Variants in COL11A1 observed in about 807,000 individuals in gnomAD.
COL11A1 encodes the protein collagen alpha-1(XI) chain.
COL11A1 carries 74 observed loss-of-function variants against 265.2 expected under a neutral mutation model. That is an observed-to-expected ratio of 0.28 (90% CI 0.23 to 0.34). The LOEUF (loss-of-function observed/expected upper bound fraction) is 0.34, where lower values mean the gene tolerates loss of function less well. COL11A1 is among the 10% of genes least tolerant of loss of function. The pLI is 1.00. For synonymous variants in COL11A1, 816 were observed against 727.6 expected, an observed-to-expected ratio of 1.12 and a Z score of -1.96; for missense variants, 2,165 against 2,263.6, an observed-to-expected ratio of 0.96 and a Z score of 0.88.
chr1:102,927,403 C>A (rs368954243), intron 46 of COL11A1, among the ~76,000 whole-genome samples: 1 of 152,072 alleles, frequency 6.6e-6, no homozygotes, highest in African/African-American at 2.4e-5. Context: ...CAGTGAACAT[C>A]AAGCGGAAGG....
chr1:103,077,348 A>T (rs553562868), intron 3 of COL11A1, among the ~76,000 whole-genome samples: 26 of 152,090 alleles, frequency 1.7e-4, no homozygotes, highest in East Asian at 9.7e-4. Flanking sequence ...TCAGTTAGGA[A>T]AGCAGGATTA....
intron 54 of COL11A1, among the ~76,000 whole-genome samples, chr1:102,902,540 A>G (rs1404685334): frequency 1.3e-5 from 2 of 152,020 alleles, no homozygotes; most frequent in Non-Finnish European, 2.9e-5. Context: ...CAAAATTTTT[A>G]GAACCTTTAA....
chr1:102,988,214 G>T (rs968332860), intron 29 of COL11A1, among the ~76,000 whole-genome samples: 1 of 152,012 alleles, frequency 6.6e-6, no homozygotes, highest in East Asian at 1.9e-4. Flanking sequence ...GATTTAACTG[G>T]CCTCATGTTC....
chr1:103,023,752 AAAT>A, intron 7 of COL11A1, among the ~76,000 whole-genome samples: 1 of 152,308 alleles, frequency 6.6e-6, no homozygotes, highest in Non-Finnish European at 1.5e-5. Context: ...CCCATAAATA[AAAT>A]AATAATATGC....
At chr1:103,092,723 T>C (rs184832779) in intron 1 of COL11A1, among the ~76,000 whole-genome samples, 3 of 152,120 alleles carry the variant, frequency 2.0e-5, no homozygotes, top group African/African-American at 7.2e-5. Context: ...TAAAAAGTGA[T>C]CTCTCATGTT....
At chr1:102,958,616 A>C (rs1156283493) in intron 41 of COL11A1, among the ~76,000 whole-genome samples, 1 of 152,186 alleles carries the variant, frequency 6.6e-6, no homozygotes, top group East Asian at 1.9e-4. Context: ...GGAACTAATA[A>C]ATGTGTATGG....
intron 4 of COL11A1, among the ~76,000 whole-genome samples, chr1:103,034,624 G>T (rs1401021068): frequency 6.6e-6 from 1 of 151,422 alleles, no homozygotes; most frequent in Non-Finnish European, 1.5e-5. Flanking sequence ...TGTTTTTTAC[G>T]TTTTTTTTAA....
At chr1:103,065,827 A>G (rs1047557509) in intron 4 of COL11A1, among the ~76,000 whole-genome samples, 1 of 152,110 alleles carries the variant, frequency 6.6e-6, no homozygotes, top group Non-Finnish European at 1.5e-5. Flanking sequence ...AAACAGAATA[A>G]ATTAAAACAA....
At chr1:103,021,602 T>G (rs1164983580) in intron 9 of COL11A1, 105 bp downstream of exon 9, 1 of 787,716 alleles carries the variant, frequency 1.3e-6, no homozygotes, top group Non-Finnish European at 2.3e-6. Flanking sequence ...CATCTGGACA[T>G]CAAGATTATC....
Position 102,970,205 on chromosome 1 carries a change from A to T in COL11A1, c.2862+14T>A. 1.2e-6 allele frequency: 2 copies of T among 1,611,300 alleles called. No individual in the cohort carries two copies. The highest frequency in any genetic ancestry group is 1.7e-6 in the Non-Finnish European group (2 of 1,177,888). On this transcript the variant is annotated intron_variant, in intron 37 of 66. Transcript: ENST00000370096. ...GAGATGGAAATTTTTAATAAGAGTA[A>T]CAAGGTCACTTACAGTCTCCCCACG...
At chr1:102,923,006 G>A (rs1656168817) in intron 47 of COL11A1, among the ~76,000 whole-genome samples, 1 of 152,118 alleles carries the variant, frequency 6.6e-6, no homozygotes, top group Non-Finnish European at 1.5e-5. Context: ...TCAGGTCTTA[G>A]AGAGCCAGAA....
chr1:103,005,798 T>C lies in COL11A1; in HGVS notation c.1845+40A>G, dbSNP rs1230186977. ...AATTGTTATCAATTCTAAAATATTT[T>C]ATAACATTCCCTGGAAAAAAAGGAA... On this transcript the variant is annotated intron_variant, in intron 18 of 66. Transcript: ENST00000370096. The C allele has an allele frequency of 2.5e-6, 4 of 1,608,504 alleles. No individual in the cohort carries two copies. The Admixed American group carries it at 5.0e-5, about 20-fold the overall frequency.
At chr1:102,988,968 T>C (rs554378666) in intron 29 of COL11A1, among the ~76,000 whole-genome samples, 2 of 152,262 alleles carry the variant, frequency 1.3e-5, no homozygotes, top group South Asian at 4.1e-4. Flanking sequence ...TACTAGTATA[T>C]TACTTAAAAA....
intron 4 of COL11A1, among the ~76,000 whole-genome samples, chr1:103,068,299 T>C (rs1671307926): frequency 6.6e-6 from 1 of 151,646 alleles, no homozygotes; most frequent in African/African-American, 2.4e-5. Context: ...TTCTAAATAT[T>C]TGAAAAATCA....
intron 1 of COL11A1, among the ~76,000 whole-genome samples, chr1:103,087,989 A>C (rs1392113856): frequency 6.6e-6 from 1 of 152,112 alleles, no homozygotes; most frequent in African/African-American, 2.4e-5. Context: ...TTTAGGTCCT[A>C]ATATGTACTT....
intron 46 of COL11A1, among the ~76,000 whole-genome samples, chr1:102,924,339 T>A (rs1656336412): frequency 6.6e-6 from 1 of 152,196 alleles, no homozygotes; most frequent in Non-Finnish European, 1.5e-5. Context: ...GCACTCAAAT[T>A]TCATCTGTCT....
At position 102,891,203 on chromosome 1, in the gene COL11A1, C is replaced by T. The variant is rs75926220; in HGVS notation, c.4303-699G>A. On this transcript the variant is annotated intron_variant, in intron 57 of 66. Coordinates refer to ENST00000370096, the MANE Select transcript of COL11A1 (RefSeq NM_001854.4). ...GATTACTGGAGAGAGACATATACTACGAATACTTAATAATCCCAATAAAAT... is the reference window on the plus strand; with the variant it reads ...GATTACTGGAGAGAGACATATACTATGAATACTTAATAATCCCAATAAAAT... Among the ~76,000 whole-genome samples the T allele has an allele frequency of 3.9e-4, 60 of 152,026 alleles. 1 individual carries two copies. The East Asian group carries it at 9.9e-3, about 25-fold the overall frequency.
At chr1:102,923,072 A>C (rs1440217991) in intron 47 of COL11A1, among the ~76,000 whole-genome samples, 6 of 152,196 alleles carry the variant, frequency 3.9e-5, no homozygotes, top group Non-Finnish European at 7.3e-5. Context: ...AGAATTATTA[A>C]ATTAAGAATT....
chr1:102,914,672 AT>A (rs1557813374), intron 51 of COL11A1, 31 bp downstream of exon 51: 5 of 1,524,060 alleles, frequency 3.3e-6, no homozygotes, highest in Non-Finnish European at 3.6e-6. Context: ...TTTGGCATAA[AT>A]GCCACATTAG....
Sources: allele counts gnomAD v4.1 joint callset (sites outside exome capture counted in the v4.1 genomes callset), GRCh38; gene constraint gnomAD v4.1.1; transcripts MANE v1.5; gene names NCBI Gene and HGNC (gene_info 2026-07-23, HGNC 2026-07-21).